Variants in SEMA3B observed in about 807,000 individuals in gnomAD.
SEMA3B encodes the protein semaphorin-3B.
SEMA3B carries 71 observed loss-of-function variants against 77.8 expected under a neutral mutation model. The observed-to-expected ratio is 0.91, with a 90% CI of 0.75 to 1.11. The LOEUF is 1.11. Among genes scored for constraint, SEMA3B ranks in the 50% most tolerant of loss-of-function variants. The pLI is 0.00. For synonymous variants in SEMA3B, 470 were observed against 452.9 expected, an observed-to-expected ratio of 1.04 and a Z score of -0.48; for missense variants, 968 against 1,056.8, an observed-to-expected ratio of 0.92 and a Z score of 1.17.
chr3:50,276,085 A>G lies in SEMA3B; in HGVS notation c.1846-217A>G. On this transcript the variant is annotated intron_variant, in intron 16 of 16. Transcript: ENST00000616701. This position sits in a 1 kb window ranked among gnomAD's most constrained non-coding sequence, Gnocchi z 5.8. Reference sequence around the variant, plus strand: ...GACCCTCCCATTAAGGTCCCTGACCACCCCCCACCAAGTTCATGTAAACCC... The same window carrying G: ...GACCCTCCCATTAAGGTCCCTGACCGCCCCCCACCAAGTTCATGTAAACCC... 1 of 689,500 alleles carries G rather than the reference A, an allele frequency of 1.5e-6. No homozygotes were observed. Among genetic ancestry groups the G allele is most frequent in the South Asian group, 2.1e-5 (1 of 48,696 alleles). The allele number at this position is 689,500 out of a possible 1,614,324, so 42.7% of individuals were successfully genotyped here. A position where few individuals can be genotyped will look rare whatever the true frequency, so the allele number is the denominator to read the frequency against.
At chr3:50,263,403 G>A (rs1700856091), upstream of SEMA3B, 1 of 151,034 alleles carries the variant, frequency 6.6e-6, no homozygotes, top group African/African-American at 2.4e-5. Flanking sequence ...GGAGGCTGAG[G>A]TGGGGGGATC....
chr3:50,277,546 CAAAAAAAAAAAA>C (rs1156412582), downstream of SEMA3B: 8 of 22,846 alleles, frequency 3.5e-4, no homozygotes, highest in Admixed American at 9.6e-4. Flanking sequence ...AGCGAGACTC[CAAAAAAAAAAAA>C]AAAAAAAAAA....
chr3:50,269,306 G>T lies in SEMA3B; in HGVS notation c.66G>T (p.Gly22=). 2.6e-6 allele frequency: 4 copies of T among 1,533,614 alleles called. No individual in the cohort carries two copies. Among genetic ancestry groups the T allele is most frequent in the Non-Finnish European group, 3.5e-6 (4 of 1,144,202 alleles). Residue 22 remains glycine (G), a synonymous_variant, in exon 1 of 17, where the codon GGG becomes GGT. Transcript: ENST00000616701. This position sits in a 1 kb window ranked among gnomAD's most constrained non-coding sequence, Gnocchi z 4.0. The part of the protein sequence containing the change: ...GLALLWAVGL[G]SAAPSPPRLR... Reference sequence around the variant, plus strand: ...CCCTGCTCTGGGCAGTGGGGCTGGGGAGTGCCGCCCCCAGCCCCCCACGCC... The same window carrying T: ...CCCTGCTCTGGGCAGTGGGGCTGGGTAGTGCCGCCCCCAGCCCCCCACGCC...
the SEMA3B span, chr3:50,260,370 G>A: frequency 1.3e-5 from 2 of 152,208 alleles, no homozygotes; most frequent in African/African-American, 4.8e-5. Flanking sequence ...CCGGGACCCC[G>A]TCCCCGCACA....
chr3:50,267,681 A>C (rs587702838), upstream of SEMA3B: 2 of 152,466 alleles, frequency 1.3e-5, no homozygotes, highest in African/African-American at 4.8e-5. This position sits in a 1 kb window ranked among gnomAD's most constrained non-coding sequence, Gnocchi z 5.7. Flanking sequence ...GCCAGAGTGG[A>C]GAGATGCTGC....
chr3:50,276,754 G>C lies in SEMA3B; in HGVS notation c.*48G>C. 7.0e-7 allele frequency: 1 copy of C among 1,436,214 alleles called. No individual in the cohort carries two copies. Among genetic ancestry groups the C allele is most frequent in the Non-Finnish European group, 9.1e-7 (1 of 1,103,012 alleles). The allele number at this position is 1,436,214 out of a possible 1,614,324, so 89.0% of individuals were successfully genotyped here. A position where few individuals can be genotyped will look rare whatever the true frequency, so the allele number is the denominator to read the frequency against. On this transcript the variant is annotated 3_prime_UTR_variant, in exon 17 of 17. Transcript: ENST00000616701. The surrounding 1 kb of genome is among the most constrained non-coding windows in gnomAD (Gnocchi z 5.8). ...ACCAAGCAGGAGACGACAGGCGAGA[G>C]AGGAGCCAGACAGACCCTGAAAAGA...
intron 6 of SEMA3B, among the ~76,000 whole-genome samples, chr3:50,272,866 ATAAT>A (rs1553705608): frequency 6.7e-6 from 1 of 149,686 alleles, no homozygotes; most frequent in African/African-American, 2.4e-5. Flanking sequence ...AATAATAATA[ATAAT>A]AATAATAATA....
upstream of SEMA3B, chr3:50,268,730 A>T (rs1700965433): frequency 6.5e-6 from 1 of 154,604 alleles, no homozygotes; most frequent in African/African-American, 2.4e-5. Context: ...TGTCACTCTC[A>T]CTCTTTTGAC....
rs373981644 is a variant in SEMA3B at position 50,275,704 on chromosome 3, G to A, written c.1706-1G>A. The A allele has an allele frequency of 6.8e-6, 11 of 1,612,380 alleles. No homozygotes were observed. The African/African-American group carries it at 1.3e-4, about 20-fold the overall frequency. On this transcript the variant is annotated splice_acceptor_variant, in intron 15 of 16. Transcript: ENST00000616701. LOFTEE classifies it high-confidence loss of function. The surrounding 1 kb of genome is among the most constrained non-coding windows in gnomAD (Gnocchi z 7.5). ...AAATCTGACTTTCTTCTCGCCCCAA[G>A]ACTCGTCTCGTCCCGCGCTGCTGGA...
chr3:50,265,338 C>T (rs1197202235), upstream of SEMA3B, among the ~76,000 whole-genome samples: 6 of 152,170 alleles, frequency 3.9e-5, no homozygotes, highest in South Asian at 4.1e-4. Context: ...GTGAGTGGGG[C>T]GCCCAAGATC....
chr3:50,269,338 T>C lies in SEMA3B; in HGVS notation c.98T>C (p.Leu33Pro). The change falls in exon 1 of 17, where the codon CTC becomes CCC. Residue 33 changes from leucine (L) to proline (P), a missense_variant. Physicochemically the swap from Leu to Pro is moderately conservative, Grantham distance 98. Coordinates refer to ENST00000616701, the MANE Select transcript of SEMA3B (RefSeq NM_001290060.2). The surrounding 1 kb of genome is among the most constrained non-coding windows in gnomAD (Gnocchi z 4.0). The part of the protein sequence containing the change: ...SAAPSPPRLR[L>P]SFQELQAWHG... ...GCCCCCAGCCCCCCACGCCTTCGGC[T>C]CTCCTTCCAAGGTAGGTGCACCTGG... 6.6e-7 allele frequency: 1 copy of C among 1,505,614 alleles called. No individual in the cohort carries two copies. Among genetic ancestry groups the C allele is most frequent in the Non-Finnish European group, 8.8e-7 (1 of 1,131,316 alleles). 93.3% of individuals were successfully genotyped at this position (1,505,614 alleles called of 1,614,324 possible). A position where few individuals can be genotyped will look rare whatever the true frequency, so the allele number is the denominator to read the frequency against.
At position 50,274,270 on chromosome 3, in the gene SEMA3B, C is replaced by G. The variant is rs1327752814; in HGVS notation, c.1138-93C>G. 1 of 1,229,416 alleles carries G rather than the reference C, an allele frequency of 8.1e-7. No homozygotes were observed. Among genetic ancestry groups the G allele is most frequent in the African/African-American group, 1.5e-5 (1 of 65,286 alleles). 76.2% of individuals were successfully genotyped at this position (1,229,416 alleles called of 1,614,324 possible). A position where few individuals can be genotyped will look rare whatever the true frequency, so the allele number is the denominator to read the frequency against. On this transcript the variant is annotated intron_variant, in intron 10 of 16. Coordinates refer to ENST00000616701, the MANE Select transcript of SEMA3B (RefSeq NM_001290060.2). The surrounding 1 kb of genome is among the most constrained non-coding windows in gnomAD (Gnocchi z 4.7). ...CTCAGGGCAGGGTTCTGTCCCCATC[C>G]CCCTCCATGTTCCCAGAGGCTGGGC...
chr3:50,275,337 C>T lies in SEMA3B; in HGVS notation c.1527C>T (p.Ala509=). 1 of 1,581,264 alleles carries T rather than the reference C, an allele frequency of 6.3e-7. No individual in the cohort carries two copies. The highest frequency in any genetic ancestry group is 8.6e-7 in the Non-Finnish European group (1 of 1,165,210). The part of the protein sequence containing the change: ...QLYVASRSAV[A]QIALHRCAAH... The stretch of plus-strand genomic sequence containing the variant: ...ACGTAGCCTCGCGGAGCGCGGTGGC[C>T]CAGATCGCGTTGCACCGCTGCGCTG... Residue 509 remains alanine, a synonymous_variant, in exon 14 of 17, where the codon GCC becomes GCT. Transcript: ENST00000616701. The surrounding 1 kb of genome is among the most constrained non-coding windows in gnomAD (Gnocchi z 7.5).
In SEMA3B at chr3:50,273,044, C is replaced by A; in HGVS notation, c.665-254C>A. 1 of 493,960 alleles carries A rather than the reference C, an allele frequency of 2.0e-6. No homozygotes were observed. Among genetic ancestry groups the A allele is most frequent in the Non-Finnish European group, 3.6e-6 (1 of 280,122 alleles). 30.6% of individuals were successfully genotyped at this position (493,960 alleles called of 1,614,324 possible). A position where few individuals can be genotyped will look rare whatever the true frequency, so the allele number is the denominator to read the frequency against. ...GTGTGGGGCGAGATCGGAGGCTAGC[C>A]GGGCTTCACGCCTGCGCCCCCAGGT... On this transcript the variant is annotated intron_variant, in intron 6 of 16. Transcript: ENST00000616701. The surrounding 1 kb of genome is among the most constrained non-coding windows in gnomAD (Gnocchi z 6.5).
rs1701133005 is a variant in SEMA3B at position 50,273,878 on chromosome 3, C to G, written c.993-35C>G. 3 of 1,575,224 alleles carry G rather than the reference C, an allele frequency of 1.9e-6. No individual in the cohort carries two copies. The highest frequency in any genetic ancestry group is 2.6e-6 in the Non-Finnish European group (3 of 1,158,176). On this transcript the variant is annotated intron_variant, in intron 9 of 16. Transcript: ENST00000616701. The surrounding 1 kb of genome is among the most constrained non-coding windows in gnomAD (Gnocchi z 6.5). Reference sequence around the variant, plus strand: ...CCCGGGGCGGGCCGCTGGGCTCCACCCGGCCCCTCACCTCGCCCTGGTCTT... The same window carrying G: ...CCCGGGGCGGGCCGCTGGGCTCCACGCGGCCCCTCACCTCGCCCTGGTCTT...
chr3:50,269,044 G>A (rs940308307), upstream of SEMA3B: 86 of 590,368 alleles, frequency 1.5e-4, no homozygotes, highest in East Asian at 2.4e-3. The surrounding 1 kb of genome is among the most constrained non-coding windows in gnomAD (Gnocchi z 4.0). Context: ...TCGGAGGGGA[G>A]GGTTCGGAAG....
chr3:50,268,897 T>C (rs1197880606), upstream of SEMA3B: 7 of 310,816 alleles, frequency 2.3e-5, no homozygotes, highest in African/African-American at 4.5e-5. Flanking sequence ...TGTGAATTAA[T>C]GTCTGTGAGT....
chr3:50,272,975 A>G (rs1281343758), intron 6 of SEMA3B: 6 of 294,582 alleles, frequency 2.0e-5, no homozygotes, highest in African/African-American at 1.1e-4. Flanking sequence ...GTGAAACCAG[A>G]TTACCTCATC....
At chr3:50,271,066 C>T in intron 4 of SEMA3B, 22 bp from the exon 5 acceptor site, 1 of 1,575,168 alleles carries the variant, frequency 6.3e-7, no homozygotes, top group South Asian at 1.2e-5. Flanking sequence ...GCCTGGTAGT[C>T]ACAACTTGCC....
Sources: gnomAD v4.1 joint callset for allele counts (sites outside exome capture counted in the v4.1 genomes callset) on GRCh38, gnomAD v4.1.1 for gene constraint, Gnocchi (gnomAD v3.1) non-coding constraint, MANE v1.5 for transcripts, NCBI Gene and HGNC (gene_info 2026-07-23, HGNC 2026-07-21) for gene names.